Variants in PCDH15 observed in about 807,000 individuals in gnomAD.
The protein encoded by PCDH15 is protocadherin related 15.
Under a neutral mutation model 178.5 loss-of-function variants are expected in PCDH15, and 129 were observed. That is an observed-to-expected ratio of 0.72 (90% CI 0.63 to 0.84). The LOEUF (loss-of-function observed/expected upper bound fraction) is 0.84, where lower values mean the gene tolerates loss of function less well. PCDH15 is among the 40% of genes least tolerant of loss of function. The pLI, the probability that PCDH15 is intolerant of heterozygous loss-of-function variation, is 0.00. For synonymous variants in PCDH15, 800 were observed against 732.0 expected (o/e 1.09, Z -1.50); for missense variants, 2,230 against 2,099.9 (o/e 1.06, Z -1.21).
intron 23 of PCDH15, among the ~76,000 whole-genome samples, chr10:53,945,533 G>GACAAA (rs1435115209): frequency 6.6e-6 from 1 of 151,760 alleles, no homozygotes; most frequent in Non-Finnish European, 1.5e-5. Flanking sequence ...CAGAAATTTT[G>GACAAA]TATCTTTTGA....
At chr10:54,021,923 ATAACT>A (rs1179170280) in intron 19 of PCDH15, among the ~76,000 whole-genome samples, 5 of 152,044 alleles carry the variant, frequency 3.3e-5, no homozygotes, top group Non-Finnish European at 5.9e-5. Context: ...TGTTAAATAA[ATAACT>A]TAACTAATTA....
At chr10:55,198,392 A>T (rs1840151577) in intron 1 of PCDH15, among the ~76,000 whole-genome samples, 1 of 152,120 alleles carries the variant, frequency 6.6e-6, no homozygotes, top group Non-Finnish European at 1.5e-5. Flanking sequence ...ACAGTAAATG[A>T]ATTCTTATGA....
At chr10:54,609,042 T>A (rs760701248) in intron 2 of PCDH15, among the ~76,000 whole-genome samples, 1 of 152,070 alleles carries the variant, frequency 6.6e-6, no homozygotes, top group Non-Finnish European at 1.5e-5. Context: ...CCCTGAAAGG[T>A]ACAATAAAAA....
intron 2 of PCDH15, among the ~76,000 whole-genome samples, chr10:55,102,550 G>T (rs1319922192): frequency 6.6e-6 from 1 of 152,002 alleles, no homozygotes; most frequent in Non-Finnish European, 1.5e-5. Flanking sequence ...TTATATAAAT[G>T]ACCCCTCTCT....
In PCDH15 at chr10:54,845,116, TTTTTTTC is replaced by T. The variant is rs142303981; in HGVS notation, c.-29+52327_-29+52333del. ...CAAATCTTTTAGAAAAGGAAAAGCC[TTTTTTTC>T]TTTTTTCTTTTTTCTTTTTTTTGCA... On this transcript the variant is annotated intron_variant, in intron 3 of 5. Transcript: ENST00000458638. 1.6e-3 allele frequency among the ~76,000 whole-genome samples: 241 copies of T among 151,992 alleles called. 1 individual carries two copies. In the East Asian group the frequency reaches 0.038, roughly 24 times the overall value.
chr10:53,968,175 T>A (rs545795319), intron 21 of PCDH15, among the ~76,000 whole-genome samples: 3 of 152,020 alleles, frequency 2.0e-5, no homozygotes, highest in Non-Finnish European at 4.4e-5. Context: ...TTTCCAACAG[T>A]CTTAGCAAAC....
chr10:54,138,929 T>A (rs2043129908), intron 14 of PCDH15, among the ~76,000 whole-genome samples: 2 of 152,044 alleles, frequency 1.3e-5, no homozygotes, highest in South Asian at 4.1e-4. Context: ...CCAAATTGGT[T>A]TATAAATAAA....
intron 16 of PCDH15, among the ~76,000 whole-genome samples, chr10:54,082,895 ATAACT>A (rs2094456962): frequency 6.6e-6 from 1 of 152,134 alleles, no homozygotes; most frequent in Non-Finnish European, 1.5e-5. Context: ...AAAGGATTAC[ATAACT>A]TAACATCAAA....
intron 2 of PCDH15, among the ~76,000 whole-genome samples, chr10:54,572,826 G>T (rs377564673): frequency 3.3e-5 from 5 of 152,040 alleles, no homozygotes; most frequent in East Asian, 3.8e-4. Context: ...AAATAAAAGA[G>T]AAAAAGGATA....
rs892223166 is a variant in PCDH15, at chr10:55,608,441, T to C, written c.-156+19184A>G. 1.1e-4 allele frequency among the ~76,000 whole-genome samples: 16 copies of C among 151,500 alleles called. No homozygotes were observed. The South Asian group carries it at 1.7e-3, about 16-fold the overall frequency. The stretch of plus-strand genomic sequence containing the variant: ...CCTTTAACACATTTTCTGTACTTCA[T>C]TGGGTAGGACAGAAAATGTGTTAAA... On this transcript the variant is annotated intron_variant, in intron 2 of 5. Transcript: ENST00000613346.
intron 3 of PCDH15, among the ~76,000 whole-genome samples, chr10:54,400,880 A>T (rs1951846334): frequency 6.6e-6 from 1 of 152,026 alleles, no homozygotes; most frequent in African/African-American, 2.4e-5. Context: ...TATGTTTTAC[A>T]TAAAAAACAG....
At chr10:54,110,079 C>A (rs1383924934) in intron 15 of PCDH15, among the ~76,000 whole-genome samples, 1 of 151,788 alleles carries the variant, frequency 6.6e-6, no homozygotes, top group Non-Finnish European at 1.5e-5. Context: ...AAGTGTTGGA[C>A]TTTGAACTTG....
At chr10:54,311,456 A>G (rs1389635908) in intron 8 of PCDH15, among the ~76,000 whole-genome samples, 1 of 152,052 alleles carries the variant, frequency 6.6e-6, no homozygotes, top group Non-Finnish European at 1.5e-5. Flanking sequence ...TTATACTCCA[A>G]ATTCTACAGA....
chr10:55,439,879 A>G (rs1439207897), intron 2 of PCDH15, among the ~76,000 whole-genome samples: 1 of 152,166 alleles, frequency 6.6e-6, no homozygotes, highest in East Asian at 1.9e-4. Context: ...AGAAAAAAGT[A>G]AAATAAAACT....
At chr10:54,253,430 C>T (rs569964127) in intron 8 of PCDH15, among the ~76,000 whole-genome samples, 8 of 151,936 alleles carry the variant, frequency 5.3e-5, no homozygotes, top group Admixed American at 2.6e-4. Context: ...ACATGTACAT[C>T]GAGAATATTG....
chr10:54,509,979 G>A (rs2081502778), intron 3 of PCDH15, among the ~76,000 whole-genome samples: 2 of 152,088 alleles, frequency 1.3e-5, no homozygotes, highest in African/African-American at 2.4e-5. Flanking sequence ...TGGCACTTAG[G>A]ATGTAAAAAC....
At chr10:55,004,247 G>A (rs1052673855) in intron 2 of PCDH15, among the ~76,000 whole-genome samples, 2 of 151,988 alleles carry the variant, frequency 1.3e-5, no homozygotes, top group Non-Finnish European at 2.9e-5. Context: ...GTATGAAGTT[G>A]CCCACAAAGA....
intron 2 of PCDH15, among the ~76,000 whole-genome samples, chr10:55,556,729 T>C (rs1842098537): frequency 6.6e-6 from 1 of 152,110 alleles, no homozygotes; most frequent in Non-Finnish European, 1.5e-5. Context: ...CAATCCCAGC[T>C]ACTTGGGAGG....
chr10:55,116,991 T>C (rs758298069), intron 2 of PCDH15, among the ~76,000 whole-genome samples: 2 of 152,234 alleles, frequency 1.3e-5, no homozygotes, highest in African/African-American at 4.8e-5. Flanking sequence ...GTGACACTTT[T>C]GTTGTCTTCT....
Sources: gnomAD v4.1 joint callset for allele counts (sites outside exome capture counted in the v4.1 genomes callset) on GRCh38, gnomAD v4.1.1 for gene constraint, MANE v1.5 for transcripts, NCBI Gene and HGNC (gene_info 2026-07-23, HGNC 2026-07-21) for gene names.